Variants in RMDN1 observed in about 807,000 individuals in gnomAD.
The protein encoded by RMDN1 is regulator of microtubule dynamics protein 1.
Under a neutral mutation model 48.9 loss-of-function variants are expected in RMDN1, and 48 were observed. The ratio of observed to expected loss-of-function variants is 0.98; its 90% CI spans 0.78 to 1.25. The LOEUF is 1.25. RMDN1 is among the 50% of genes most tolerant of loss of function. The pLI, the probability that RMDN1 is intolerant of heterozygous loss-of-function variation, is 0.00. For missense variants in RMDN1, 418 were observed against 373.4 expected, an observed-to-expected ratio of 1.12 and a Z score of -0.98; for synonymous variants, 148 against 132.6, an observed-to-expected ratio of 1.12 and a Z score of -0.80.
At chr8:86,469,163 GTTTT>G (rs574342796), downstream of RMDN1, among the ~76,000 whole-genome samples, 472 of 146,930 alleles carry the variant, frequency 3.2e-3, 2 homozygotes, top group African/African-American at 0.011. Flanking sequence ...GCTTACCAGT[GTTTT>G]TTTTGTTTGT....
chr8:86,494,943 T>C (rs1179235840), intron 2 of RMDN1: 19 of 436,110 alleles, frequency 4.4e-5, no homozygotes, highest in Admixed American at 3.9e-4. Context: ...CTCCACACTC[T>C]ACCCTCAGTG....
intron 1 of RMDN1, chr8:86,508,139 G>C: frequency 4.3e-6 from 1 of 232,812 alleles, no homozygotes; most frequent in Non-Finnish European, 8.3e-6. Context: ...GTCTGAAAGG[G>C]GCAGCCTCAA....
chr8:86,473,237 A>C lies in RMDN1; in HGVS notation c.*1071T>G. Reference sequence around the variant, plus strand: ...TTCCCAAATCCTTTGGGAAAAATCCACCTACACACACAGTCTGTCTTTATC... The same window carrying C: ...TTCCCAAATCCTTTGGGAAAAATCCCCCTACACACACAGTCTGTCTTTATC... On this transcript the variant is annotated 3_prime_UTR_variant, in exon 10 of 10. Transcript: ENST00000406452. 2.0e-6 allele frequency: 2 copies of C among 985,204 alleles called. No individual in the cohort carries two copies. Among genetic ancestry groups the C allele is most frequent in the Non-Finnish European group, 2.4e-6 (2 of 829,848 alleles). 61.0% of individuals were successfully genotyped at this position (985,204 alleles called of 1,614,324 possible). A position where few individuals can be genotyped will look rare whatever the true frequency, so the allele number is the denominator to read the frequency against.
At chr8:86,506,102 T>C (rs1231700992) in intron 2 of RMDN1, among the ~76,000 whole-genome samples, 5 of 152,188 alleles carry the variant, frequency 3.3e-5, no homozygotes, top group Admixed American at 2.6e-4. Context: ...CAACTCCTCC[T>C]TGTAGGAGAC....
Position 86,473,352 on chromosome 8 carries a change from C to T in RMDN1, c.*956G>A. 2.0e-6 allele frequency: 2 copies of T among 985,354 alleles called. No homozygotes were observed. The highest frequency in any genetic ancestry group is 2.4e-6 in the Non-Finnish European group (2 of 829,920). 61.0% of individuals were successfully genotyped at this position (985,354 alleles called of 1,614,324 possible). A position where few individuals can be genotyped will look rare whatever the true frequency, so the allele number is the denominator to read the frequency against. On this transcript the variant is annotated 3_prime_UTR_variant, in exon 10 of 10. Coordinates refer to ENST00000406452, the MANE Select transcript of RMDN1 (RefSeq NM_016033.3). ...CCTCAAGTGAGTAGCATAGTCCTGC[C>T]TATTTAAAAACATCTTAGTATTCCA...
At position 86,499,342 on chromosome 8, in the gene RMDN1, C is replaced by A. The variant is rs974317070; in HGVS notation, c.247+7653G>T. On this transcript the variant is annotated intron_variant, in intron 2 of 9. Transcript: ENST00000406452. ...CCATAAACAGTCTGCTCAAAGGCTC[C>A]TGGAACTAATAAACAGCTTCAGTAA... Among the ~76,000 whole-genome samples, 3 of 152,124 alleles carry A rather than the reference C, an allele frequency of 2.0e-5. No homozygotes were observed. In the East Asian group the frequency reaches 5.8e-4, roughly 29 times the overall value.
Position 86,504,639 on chromosome 8 carries a change from T to G in RMDN1, c.247+2356A>C. ...TTTGTTCCATGCTCATGACTGTTTG[T>G]TATTAAAGGATGAGTATAATGGGAT... On this transcript the variant is annotated intron_variant, in intron 2 of 9. Transcript: ENST00000406452. 3.4e-6 allele frequency: 3 copies of G among 894,036 alleles called. No individual in the cohort carries two copies. In the South Asian group the frequency reaches 3.9e-5, roughly 12 times the overall value. 55.4% of individuals were successfully genotyped at this position (894,036 alleles called of 1,614,324 possible).
intron 2 of RMDN1, chr8:86,504,642 T>G (rs953535291): frequency 1.1e-6 from 1 of 891,712 alleles, no homozygotes; most frequent in African/African-American, 1.6e-5. Context: ...CTGTTTGTTA[T>G]TAAAGGATGA....
intron 6 of RMDN1, 69 bp downstream of exon 6, chr8:86,480,205 AAAG>A: frequency 2.7e-6 from 2 of 732,906 alleles, no homozygotes; most frequent in Non-Finnish European, 4.4e-6. Flanking sequence ...TATATATGCA[AAAG>A]AAGATATTTA....
At chr8:86,494,172 G>A (rs941550729) in intron 2 of RMDN1, among the ~76,000 whole-genome samples, 2 of 152,182 alleles carry the variant, frequency 1.3e-5, no homozygotes, top group African/African-American at 2.4e-5. Flanking sequence ...AATGTATTAC[G>A]TATTTAGAAA....
At chr8:86,490,512 GA>G (rs945268880) in intron 2 of RMDN1, among the ~76,000 whole-genome samples, 1 of 151,998 alleles carries the variant, frequency 6.6e-6, no homozygotes, top group African/African-American at 2.4e-5. Context: ...TACAGACACT[GA>G]AAAAAGCAAA....
chr8:86,482,877 TC>T, intron 5 of RMDN1: 3 of 1,143,478 alleles, frequency 2.6e-6, no homozygotes, highest in Non-Finnish European at 4.0e-6. Context: ...GGCCCTGGGG[TC>T]CCAGTTGTTG....
chr8:86,504,606 G>A, intron 2 of RMDN1: 1 of 974,674 alleles, frequency 1.0e-6, no homozygotes, highest in Non-Finnish European at 1.7e-6. Flanking sequence ...GCCTTGGAGG[G>A]ATGGCTTTTT....
At chr8:86,486,334 G>A in intron 4 of RMDN1, 150 bp downstream of exon 4, 1 of 461,692 alleles carries the variant, frequency 2.2e-6, no homozygotes, top group Non-Finnish European at 3.5e-6. Flanking sequence ...CTTTAAAATA[G>A]AGAAATTATC....
At chr8:86,502,774 T>C (rs182454900) in intron 2 of RMDN1, among the ~76,000 whole-genome samples, 115 of 152,308 alleles carry the variant, frequency 7.6e-4, no homozygotes, top group African/African-American at 2.6e-3. Context: ...ACTTTTTCTG[T>C]AAAGATCCAG....
At chr8:86,506,718 C>T (rs1166598926) in intron 2 of RMDN1, among the ~76,000 whole-genome samples, 3 of 152,108 alleles carry the variant, frequency 2.0e-5, no homozygotes, top group Admixed American at 1.3e-4. Flanking sequence ...CCTCTGGTCA[C>T]GGAGACTTCA....
intron 2 of RMDN1, chr8:86,504,258 C>A: frequency 1.3e-6 from 2 of 1,568,470 alleles, no homozygotes; most frequent in South Asian, 2.2e-5. Flanking sequence ...CTAAGTAGAT[C>A]CTCCAGCAGT....
chr8:86,504,394 A>T (rs887969250), intron 2 of RMDN1: 1 of 1,561,730 alleles, frequency 6.4e-7, no homozygotes, highest in Non-Finnish European at 8.8e-7. Context: ...ACAGCCAATC[A>T]TCATTTCCAT....
chr8:86,494,002 A>C (rs1193451226), intron 2 of RMDN1, among the ~76,000 whole-genome samples: 1 of 152,152 alleles, frequency 6.6e-6, no homozygotes, highest in Non-Finnish European at 1.5e-5. Flanking sequence ...AAAAAAGTCA[A>C]ACTCACATAG....
Sources: allele counts gnomAD v4.1 joint callset (sites outside exome capture counted in the v4.1 genomes callset), GRCh38; gene constraint gnomAD v4.1.1; transcripts MANE v1.5; gene names NCBI Gene and HGNC (gene_info 2026-07-23, HGNC 2026-07-21).